Variants in WBP1L observed in about 807,000 individuals in gnomAD.
The protein encoded by WBP1L is WW domain binding protein 1 like, also known as WW domain binding protein 1-like.
A neutral mutation model predicts 33.7 loss-of-function variants in WBP1L; 17 were observed. The observed-to-expected ratio is 0.50, with a 90% CI of 0.34 to 0.76. The LOEUF (loss-of-function observed/expected upper bound fraction) is 0.76. WBP1L is among the 30% of genes least tolerant of loss of function. The probability of loss-of-function intolerance (pLI) is 0.01; values close to 1 mark genes in which losing one functional copy is unlikely to be tolerated. For missense variants in WBP1L, 389 were observed against 469.4 expected, an observed-to-expected ratio of 0.83 and a Z score of 1.58; for synonymous variants, 173 against 190.8, an observed-to-expected ratio of 0.91 and a Z score of 0.77.
chr10:102,767,564 A>G (rs776047964), intron 1 of WBP1L, among the ~76,000 whole-genome samples: 108 of 152,110 alleles, frequency 7.1e-4, no homozygotes, highest in Non-Finnish European at 1.3e-3. Context: ...GGCTGCACCA[A>G]TGACATGGGG....
At chr10:102,755,593 A>T (rs953209548) in intron 1 of WBP1L, among the ~76,000 whole-genome samples, 1 of 151,284 alleles carries the variant, frequency 6.6e-6, no homozygotes, top group Non-Finnish European at 1.5e-5. Flanking sequence ...GGATTTCACC[A>T]TGTTGGCCAG....
chr10:102,784,720 C>T (rs757691553), intron 1 of WBP1L, among the ~76,000 whole-genome samples: 16 of 150,078 alleles, frequency 1.1e-4, no homozygotes, highest in South Asian at 4.2e-4. Context: ...CCACCGCGCC[C>T]GGCGAATTTT....
At chr10:102,754,781 T>C (rs1842955658) in intron 1 of WBP1L, among the ~76,000 whole-genome samples, 1 of 152,072 alleles carries the variant, frequency 6.6e-6, no homozygotes. Flanking sequence ...CATAGCTCAC[T>C]GCAGCTTCGA....
chr10:102,807,794 A>T (rs1435221392), intron 2 of WBP1L, among the ~76,000 whole-genome samples: 2 of 151,916 alleles, frequency 1.3e-5, no homozygotes, highest in Non-Finnish European at 2.9e-5. Context: ...TTTTTTAATG[A>T]TTCATATTAT....
chr10:102,808,199 T>G (rs997146918), intron 2 of WBP1L, among the ~76,000 whole-genome samples: 2 of 152,070 alleles, frequency 1.3e-5, no homozygotes, highest in African/African-American at 4.8e-5. Context: ...GAAAATTAAT[T>G]TGTTTCTAGT....
chr10:102,751,588 G>C (rs1842924922), intron 1 of WBP1L, among the ~76,000 whole-genome samples: 1 of 152,184 alleles, frequency 6.6e-6, no homozygotes, highest in Non-Finnish European at 1.5e-5. Context: ...GATTACAGGT[G>C]TGAGCCACCA....
intron 1 of WBP1L, among the ~76,000 whole-genome samples, chr10:102,781,477 G>A (rs1301414630): frequency 2.6e-5 from 4 of 152,160 alleles, no homozygotes; most frequent in Admixed American, 6.5e-5. Flanking sequence ...GGGGCCTGGA[G>A]TACAAGTCTT....
intron 1 of WBP1L, among the ~76,000 whole-genome samples, chr10:102,791,438 C>G (rs373011250): frequency 6.6e-6 from 1 of 152,114 alleles, no homozygotes; most frequent in Non-Finnish European, 1.5e-5. Context: ...GTGCCTGGCA[C>G]ATGGTTGGGG....
chr10:102,749,392 T>A (rs1034277321), intron 1 of WBP1L, among the ~76,000 whole-genome samples: 5 of 152,136 alleles, frequency 3.3e-5, no homozygotes, highest in Admixed American at 1.3e-4. Flanking sequence ...TGCCTCAGCC[T>A]CCCAAGGAGC....
chr10:102,812,796 G>C lies in WBP1L; in HGVS notation c.557G>C (p.Ser186Thr). ...CAGAGCAGCCCCTTGTCTGAGCCCA[G>C]CAGAAGCAGCACAAGACCCCCAAGC... is the stretch of plus-strand genomic sequence containing the variant. ...GAQSSPLSEP[S>T]RSSTRPPSIA... The change falls in exon 4 of 4, where the codon AGC (serine) becomes ACC (threonine). Residue 186 changes from serine to threonine, a missense_variant. Physicochemically the swap from Ser to Thr is moderately conservative, Grantham distance 58. Transcript: ENST00000448841. 1 of 1,605,150 alleles carries C rather than the reference G, an allele frequency of 6.2e-7. No individual in the cohort carries two copies. Among genetic ancestry groups the C allele is most frequent in the Non-Finnish European group, 8.5e-7 (1 of 1,176,078 alleles).
Position 102,744,160 on chromosome 10 carries a change from G to A in WBP1L, c.90+17G>A, listed in dbSNP as rs1299329311. On this transcript the variant is annotated intron_variant, in intron 1 of 3. Transcript: ENST00000448841. ...CCCCCGCAGGTAAGGGGGAGGGGGC[G>A]TCTGGGCCATGTTGGGTCCTGGGGG... The A allele has an allele frequency of 1.9e-6, 3 of 1,543,426 alleles. No individual in the cohort carries two copies. In the South Asian group the frequency reaches 3.6e-5, roughly 18 times the overall value.
At chr10:102,744,538 C>T (rs1285422231) in intron 1 of WBP1L, 1 of 961,808 alleles carries the variant, frequency 1.0e-6, no homozygotes, top group Non-Finnish European at 1.2e-6. Flanking sequence ...TTGAGTTGGC[C>T]TGTGAGGGAG....
intron 2 of WBP1L, among the ~76,000 whole-genome samples, chr10:102,806,279 T>C (rs1414968209): frequency 6.6e-6 from 1 of 151,566 alleles, no homozygotes; most frequent in African/African-American, 2.4e-5. Context: ...TATAATGGAC[T>C]GTGAGATTAC....
intron 1 of WBP1L, chr10:102,746,020 C>A (rs1842860522): frequency 8.0e-6 from 3 of 375,800 alleles, no homozygotes; most frequent in Non-Finnish European, 1.1e-5. Context: ...AAAAGGCTGT[C>A]CCCAGTAACC....
intron 1 of WBP1L, among the ~76,000 whole-genome samples, chr10:102,793,149 G>A (rs1385479472): frequency 1.3e-5 from 2 of 152,166 alleles, no homozygotes; most frequent in African/African-American, 4.8e-5. Context: ...ATGCTTGGAA[G>A]AAAAGCATAA....
chr10:102,803,282 G>A (rs559113551), intron 2 of WBP1L, among the ~76,000 whole-genome samples: 1 of 152,340 alleles, frequency 6.6e-6, no homozygotes, highest in South Asian at 2.1e-4. Flanking sequence ...CGTCCTGCAG[G>A]ATGGGAGGAG....
chr10:102,777,550 GA>G (rs1427840089), intron 1 of WBP1L, among the ~76,000 whole-genome samples: 4 of 135,996 alleles, frequency 2.9e-5, no homozygotes, highest in Non-Finnish European at 6.2e-5. Context: ...GCCCCCACAA[GA>G]AAGGCTGTCC....
rs754381184 is a variant in WBP1L at position 102,782,996 on chromosome 10, A to G, written c.91-14997A>G. On this transcript the variant is annotated intron_variant, in intron 1 of 3. Transcript: ENST00000448841. ...GATGCACGGTCTCGATGTGGTTTCAAATACTGTCCAATTGATCTTGTGGTT... is the reference window on the plus strand; with the variant it reads ...GATGCACGGTCTCGATGTGGTTTCAGATACTGTCCAATTGATCTTGTGGTT... 2.6e-5 allele frequency among the ~76,000 whole-genome samples: 4 copies of G among 152,298 alleles called. No homozygotes were observed. The East Asian group carries it at 5.8e-4, about 22-fold the overall frequency.
At chr10:102,750,676 T>C (rs1050179542) in intron 1 of WBP1L, among the ~76,000 whole-genome samples, 2 of 151,480 alleles carry the variant, frequency 1.3e-5, no homozygotes, top group African/African-American at 4.8e-5. Context: ...TAATTTTTTG[T>C]ATTTTTAGTA....
Sources: gnomAD v4.1 joint callset for allele counts (sites outside exome capture counted in the v4.1 genomes callset) on GRCh38, gnomAD v4.1.1 for gene constraint, MANE v1.5 for transcripts, NCBI Gene and HGNC (gene_info 2026-07-23, HGNC 2026-07-21) for gene names.